Variants in ADAM23 observed in about 807,000 individuals in gnomAD.
ADAM23 encodes disintegrin and metalloproteinase domain-containing protein 23.
A neutral mutation model predicts 120.1 loss-of-function variants in ADAM23; 33 were observed. That is an observed-to-expected ratio of 0.27 (90% CI 0.21 to 0.37). The LOEUF (loss-of-function observed/expected upper bound fraction) is 0.37. ADAM23 is among the 10% of genes least tolerant of loss of function. ADAM23 has a pLI of 1.00. For missense variants in ADAM23, 862 were observed against 1,058.2 expected (o/e 0.81, Z 2.57); for synonymous variants, 367 against 375.2 (o/e 0.98, Z 0.25).
intron 3 of ADAM23, among the ~76,000 whole-genome samples, chr2:206,504,744 C>T (rs1696461197): frequency 6.6e-6 from 1 of 152,090 alleles, no homozygotes; most frequent in South Asian, 2.1e-4. Flanking sequence ...CACTTTTGTC[C>T]AGGGTCCCCT....
At chr2:206,447,756 T>C (rs969727293) in intron 2 of ADAM23, among the ~76,000 whole-genome samples, 1 of 152,186 alleles carries the variant, frequency 6.6e-6, no homozygotes, top group Non-Finnish European at 1.5e-5. Flanking sequence ...GTTATGTACC[T>C]TTTTTTCCCT....
intron 15 of ADAM23, 150 bp from the exon 16 acceptor site, chr2:206,570,590 C>T (rs957163341): frequency 1.5e-5 from 9 of 597,256 alleles, no homozygotes; most frequent in Non-Finnish European, 2.7e-5. Context: ...ATTTCCCATA[C>T]AGTCATCATT....
chr2:206,596,772 G>T (rs938853249), intron 24 of ADAM23, among the ~76,000 whole-genome samples: 1 of 152,134 alleles, frequency 6.6e-6, no homozygotes, highest in African/African-American at 2.4e-5. Flanking sequence ...CAGATGAGAA[G>T]GCCCAGACCC....
chr2:206,566,454 T>G (rs1697883374), intron 14 of ADAM23, among the ~76,000 whole-genome samples: 1 of 147,320 alleles, frequency 6.8e-6, no homozygotes, highest in Non-Finnish European at 1.5e-5. Context: ...TCCTGAGGAA[T>G]AGGTGTGCGT....
intron 24 of ADAM23, among the ~76,000 whole-genome samples, chr2:206,607,489 G>A (rs1012542044): frequency 1.4e-4 from 21 of 152,152 alleles, no homozygotes; most frequent in African/African-American, 4.8e-4. Flanking sequence ...CTAATTGAAA[G>A]GATGAATTTT....
At chr2:206,498,449 T>A (rs1696307134) in intron 3 of ADAM23, among the ~76,000 whole-genome samples, 1 of 152,206 alleles carries the variant, frequency 6.6e-6, no homozygotes, top group African/African-American at 2.4e-5. Context: ...GCTACCCATA[T>A]GTAGAAAGCT....
At chr2:206,482,646 G>T (rs1695920774) in intron 3 of ADAM23, among the ~76,000 whole-genome samples, 1 of 152,184 alleles carries the variant, frequency 6.6e-6, no homozygotes, top group Non-Finnish European at 1.5e-5. Context: ...GCATGCAAAG[G>T]AATCAGGTTG....
chr2:206,593,669 A>G (rs771542251), intron 22 of ADAM23, among the ~76,000 whole-genome samples: 1 of 152,072 alleles, frequency 6.6e-6, no homozygotes, highest in East Asian at 1.9e-4. Context: ...TGACGTATAC[A>G]AGCTTTATTT....
chr2:206,540,951 A>G (rs1315942993), intron 4 of ADAM23, among the ~76,000 whole-genome samples: 1 of 147,646 alleles, frequency 6.8e-6, no homozygotes, highest in Non-Finnish European at 1.5e-5. Flanking sequence ...TTTTATAAAT[A>G]TTATTTATAA....
At chr2:206,486,758 C>T (rs1469715465) in intron 3 of ADAM23, among the ~76,000 whole-genome samples, 2 of 152,188 alleles carry the variant, frequency 1.3e-5, no homozygotes, top group East Asian at 3.9e-4. Flanking sequence ...ATAAAACTCA[C>T]TTTTCTAAAG....
At chr2:206,569,310 T>A (rs1162225526) in intron 15 of ADAM23, among the ~76,000 whole-genome samples, 1 of 152,224 alleles carries the variant, frequency 6.6e-6, no homozygotes, top group African/African-American at 2.4e-5. Context: ...TAAAAATAAC[T>A]ATAAATCATC....
At chr2:206,518,314 G>A (rs1226758576) in intron 3 of ADAM23, among the ~76,000 whole-genome samples, 5 of 152,124 alleles carry the variant, frequency 3.3e-5, no homozygotes, top group Non-Finnish European at 7.4e-5. Flanking sequence ...TTCAGTTTTA[G>A]TATTATGCAA....
chr2:206,529,819 AT>A (rs57883962), intron 3 of ADAM23, among the ~76,000 whole-genome samples: 3 of 149,020 alleles, frequency 2.0e-5, no homozygotes, highest in East Asian at 2.0e-4. Flanking sequence ...GTATATATAC[AT>A]TTTTTTTTTG....
At chr2:206,507,366 T>G (rs1235369838) in intron 3 of ADAM23, among the ~76,000 whole-genome samples, 1 of 152,098 alleles carries the variant, frequency 6.6e-6, no homozygotes, top group African/African-American at 2.4e-5. Flanking sequence ...CAATAGTGAG[T>G]TGAGTTCTAA....
chr2:206,458,984 A>G (rs568291946), intron 2 of ADAM23, among the ~76,000 whole-genome samples: 1 of 152,246 alleles, frequency 6.6e-6, no homozygotes. Context: ...ACAATTGAAT[A>G]TGTTATGACA....
intron 10 of ADAM23, among the ~76,000 whole-genome samples, chr2:206,559,731 C>G (rs1356501592): frequency 6.6e-6 from 1 of 152,066 alleles, no homozygotes; most frequent in Admixed American, 6.6e-5. Flanking sequence ...GCTCTGGGAT[C>G]GAAATAACCC....
chr2:206,564,186 A>G (rs943352239), intron 13 of ADAM23, among the ~76,000 whole-genome samples: 4 of 152,018 alleles, frequency 2.6e-5, no homozygotes, highest in South Asian at 2.1e-4. Flanking sequence ...CTCTCTATAT[A>G]TATACGTTGA....
In ADAM23 at chr2:206,618,791, A is replaced by G. The variant is rs1390292992; in HGVS notation, c.*1164A>G. On this transcript the variant is annotated 3_prime_UTR_variant, in exon 26 of 26. Transcript: ENST00000264377. ...GAAATATATGTACTAAGTTTCGAAA[A>G]TTTTTTGATGTCATTATAAACCTAT... 1 of 152,192 alleles carries G rather than the reference A, an allele frequency of 6.6e-6. No homozygotes were observed. Among genetic ancestry groups the G allele is most frequent in the Non-Finnish European group, 1.5e-5 (1 of 68,044 alleles). The allele number at this position is 152,192 out of a possible 1,614,324, so 9.4% of individuals were successfully genotyped here.
intron 21 of ADAM23, among the ~76,000 whole-genome samples, chr2:206,590,554 A>G (rs1698407279): frequency 6.6e-6 from 1 of 152,214 alleles, no homozygotes; most frequent in Non-Finnish European, 1.5e-5. Context: ...ATTTTGAAGC[A>G]GAGCAAGAAT....
Sources: gnomAD v4.1 joint callset for allele counts (sites outside exome capture counted in the v4.1 genomes callset) on GRCh38, gnomAD v4.1.1 for gene constraint, MANE v1.5 for transcripts, NCBI Gene and HGNC (gene_info 2026-07-23, HGNC 2026-07-21) for gene names.